FHIT: variants seen among roughly 807,000 people sequenced by gnomAD.
FHIT encodes fragile histidine triad diadenosine triphosphatase, also known as bis(5'-adenosyl)-triphosphatase.
A neutral mutation model predicts 17.9 loss-of-function variants in FHIT; 19 were observed. The ratio of observed to expected loss-of-function variants is 1.06; its 90% CI spans 0.74 to 1.56. The LOEUF is 1.56. FHIT is among the 40% of genes most tolerant of loss of function. The pLI is 0.00. For missense variants in FHIT, 248 were observed against 189.2 expected, an observed-to-expected ratio of 1.31 and a Z score of -1.82; for synonymous variants, 81 against 69.7, an observed-to-expected ratio of 1.16 and a Z score of -0.81.
intron 3 of FHIT, among the ~76,000 whole-genome samples, chr3:60,870,553 G>C (rs539553725): frequency 6.6e-6 from 1 of 152,266 alleles, no homozygotes; most frequent in Admixed American, 6.5e-5. Flanking sequence ...CTTATCATGA[G>C]AACTGAGCAG....
intron 5 of FHIT, among the ~76,000 whole-genome samples, chr3:60,243,629 C>T (rs1321049061): frequency 1.3e-5 from 2 of 152,130 alleles, no homozygotes; most frequent in Non-Finnish European, 2.9e-5. Flanking sequence ...AATCTATAGA[C>T]ACCAGTTCAA....
In FHIT at chr3:59,919,023, T is replaced by A. The variant is rs546833632; in HGVS notation, c.348+3323A>T. ...GAAAAGGTTTTACCTTTTATTTCCA[T>A]GAACTTAACAATGAAAACAATATGT... On this transcript the variant is annotated intron_variant, in intron 8 of 9. Coordinates refer to ENST00000492590, the MANE Select transcript of FHIT (RefSeq NM_002012.4). Among the ~76,000 whole-genome samples, 5 of 152,310 alleles carry A rather than the reference T, an allele frequency of 3.3e-5. No homozygotes were observed. In the East Asian group the frequency reaches 9.6e-4, roughly 29 times the overall value.
At chr3:60,768,971 A>G (rs567709756) in intron 4 of FHIT, among the ~76,000 whole-genome samples, 138 of 152,268 alleles carry the variant, frequency 9.1e-4, no homozygotes, top group Non-Finnish European at 1.7e-3. Flanking sequence ...AAAGACATAT[A>G]CTCAATAAGA....
rs74950139 is a variant in FHIT, at chr3:60,602,731, A to C, written c.-17-65752T>G. Reference sequence around the variant, plus strand: ...GAATACTTATGTCTTCTCCAAATTCATATGTTGAAATCCTAACTTCCAAGG... The same window carrying C: ...GAATACTTATGTCTTCTCCAAATTCCTATGTTGAAATCCTAACTTCCAAGG... On this transcript the variant is annotated intron_variant, in intron 4 of 9. Transcript: ENST00000492590. 9.7e-3 allele frequency among the ~76,000 whole-genome samples: 1,474 copies of C among 152,236 alleles called. 27 individuals carry two copies. Among genetic ancestry groups the C allele is most frequent in the African/African-American group, 0.033 (1,364 of 41,536 alleles).
At chr3:60,931,460 T>C (rs782751366) in intron 3 of FHIT, among the ~76,000 whole-genome samples, 8 of 152,246 alleles carry the variant, frequency 5.3e-5, no homozygotes, top group Non-Finnish European at 1.0e-4. Context: ...AACTCATTTT[T>C]CTACTTAAGA....
At chr3:60,136,764 C>T (rs900497842) in intron 5 of FHIT, among the ~76,000 whole-genome samples, 3 of 152,130 alleles carry the variant, frequency 2.0e-5, no homozygotes, top group Admixed American at 1.3e-4. Flanking sequence ...CCAGCCTGGC[C>T]CCTCTCACGA....
chr3:60,182,766 G>A (rs1369784369), intron 5 of FHIT, among the ~76,000 whole-genome samples: 4 of 152,098 alleles, frequency 2.6e-5, no homozygotes, highest in Admixed American at 1.3e-4. Context: ...CTGGGTGACA[G>A]AGTGAGACCC....
chr3:60,364,610 C>G (rs891189918), intron 5 of FHIT, among the ~76,000 whole-genome samples: 1 of 152,164 alleles, frequency 6.6e-6, no homozygotes, highest in Non-Finnish European at 1.5e-5. Flanking sequence ...ACACAGAAGG[C>G]TATATGTGTA....
chr3:60,923,002 A>G (rs1707365070), intron 3 of FHIT, among the ~76,000 whole-genome samples: 2 of 152,384 alleles, frequency 1.3e-5, no homozygotes, highest in Non-Finnish European at 2.9e-5. Context: ...CGCAGTAAAC[A>G]TCTTGCTTCA....
chr3:60,910,895 T>A (rs1000618250), intron 3 of FHIT, among the ~76,000 whole-genome samples: 2 of 152,206 alleles, frequency 1.3e-5, no homozygotes, highest in African/African-American at 4.8e-5. Context: ...CCACTGGACC[T>A]GCAATTATGT....
chr3:60,662,779 T>C (rs2040288952), intron 4 of FHIT, among the ~76,000 whole-genome samples: 1 of 152,152 alleles, frequency 6.6e-6, no homozygotes, highest in Admixed American at 6.5e-5. Context: ...TGGTTAGGTA[T>C]ATTTCTAACT....
At chr3:59,904,093 C>T (rs1032978435) in intron 8 of FHIT, among the ~76,000 whole-genome samples, 4 of 148,830 alleles carry the variant, frequency 2.7e-5, no homozygotes, top group Non-Finnish European at 5.9e-5. Context: ...CACCCCCCCG[C>T]CCCCGGACAG....
chr3:60,697,617 A>G (rs1479683749), intron 4 of FHIT, among the ~76,000 whole-genome samples: 1 of 152,134 alleles, frequency 6.6e-6, no homozygotes, highest in Non-Finnish European at 1.5e-5. Flanking sequence ...GATTACAAAT[A>G]ATATATATAT....
chr3:59,950,195 CTAAAG>C (rs913998668), intron 7 of FHIT, among the ~76,000 whole-genome samples: 1 of 152,118 alleles, frequency 6.6e-6, no homozygotes, highest in African/African-American at 2.4e-5. Flanking sequence ...AATCTCTTTG[CTAAAG>C]TAAAGCATAA....
intron 5 of FHIT, among the ~76,000 whole-genome samples, chr3:60,439,738 G>A (rs986293273): frequency 1.3e-5 from 2 of 152,060 alleles, no homozygotes; most frequent in African/African-American, 4.8e-5. Context: ...TAAACTCCCA[G>A]GCTCCTCAAA....
At chr3:60,310,598 G>A (rs1708896496) in intron 5 of FHIT, among the ~76,000 whole-genome samples, 1 of 152,038 alleles carries the variant, frequency 6.6e-6, no homozygotes, top group African/African-American at 2.4e-5. Context: ...ACAGCTACTG[G>A]GGAAAACTGG....
chr3:60,287,182 T>G (rs1368915466), intron 5 of FHIT, among the ~76,000 whole-genome samples: 5 of 152,146 alleles, frequency 3.3e-5, no homozygotes, highest in Non-Finnish European at 7.4e-5. Context: ...TTTCCATTTT[T>G]TTTTCAGACA....
intron 8 of FHIT, among the ~76,000 whole-genome samples, chr3:59,914,266 C>T (rs554661232): frequency 3.3e-5 from 5 of 152,048 alleles, no homozygotes; most frequent in African/African-American, 1.2e-4. Flanking sequence ...CATCTCAATT[C>T]AGACTGGTCA....
At chr3:60,823,079 A>T (rs1238715056) in intron 3 of FHIT, among the ~76,000 whole-genome samples, 2 of 152,216 alleles carry the variant, frequency 1.3e-5, no homozygotes, top group East Asian at 3.9e-4. Flanking sequence ...TCATTTAACA[A>T]GTATTTATTG....
Sources: gnomAD v4.1 joint callset for allele counts (sites outside exome capture counted in the v4.1 genomes callset) on GRCh38, gnomAD v4.1.1 for gene constraint, MANE v1.5 for transcripts, NCBI Gene and HGNC (gene_info 2026-07-23, HGNC 2026-07-21) for gene names.